The following UBXN8 variants were observed in gnomAD, a reference collection of about 807,000 sequenced individuals.
The protein encoded by UBXN8 is UBX domain protein 8, also known as UBX domain-containing protein 8.
In UBXN8, 27 loss-of-function variants were observed where a neutral mutation model predicts 32.1. The ratio of observed to expected loss-of-function variants is 0.84; its 90% CI spans 0.62 to 1.16. The LOEUF (loss-of-function observed/expected upper bound fraction) is 1.16. Ranked by LOEUF, UBXN8 falls within the 50% of genes most tolerant of loss-of-function variation. UBXN8 has a pLI of 0.00. For missense variants in UBXN8, 306 were observed against 311.4 expected (o/e 0.98, Z 0.13); for synonymous variants, 109 against 111.8 (o/e 0.98, Z 0.16).
intron 5 of UBXN8, among the ~76,000 whole-genome samples, chr8:30,757,694 A>G (rs1346882382): frequency 6.6e-6 from 1 of 151,768 alleles, no homozygotes; most frequent in Non-Finnish European, 1.5e-5. Flanking sequence ...CCCCATCTCT[A>G]CTAAAAATAC....
intron 7 of UBXN8, among the ~76,000 whole-genome samples, chr8:30,764,556 A>G (rs547020300): frequency 6.6e-6 from 1 of 152,356 alleles, no homozygotes; most frequent in South Asian, 2.1e-4. Flanking sequence ...TGGCAGGGAA[A>G]GAAACACATG....
chr8:30,760,443 A>ATAATTTT, intron 5 of UBXN8, among the ~76,000 whole-genome samples: 1 of 91,096 alleles, frequency 1.1e-5, no homozygotes, highest in South Asian at 4.1e-4. Context: ...ATATATATAT[A>ATAATTTT]TTTTTTTTTT....
At chr8:30,756,454 A>G (rs956093137) in intron 4 of UBXN8, among the ~76,000 whole-genome samples, 2 of 151,246 alleles carry the variant, frequency 1.3e-5, no homozygotes, top group Non-Finnish European at 3.0e-5. Flanking sequence ...CAATTTTTGC[A>G]TTTTTTTAGT....
intron 5 of UBXN8, among the ~76,000 whole-genome samples, chr8:30,760,443 A>ATATTTTTTTTT (rs1196366158): frequency 3.3e-5 from 3 of 91,118 alleles, no homozygotes; most frequent in African/African-American, 5.1e-5. Flanking sequence ...ATATATATAT[A>ATATTTTTTTTT]TTTTTTTTTT....
At chr8:30,750,297 C>T (rs1805485406) in intron 1 of UBXN8, among the ~76,000 whole-genome samples, 1 of 152,032 alleles carries the variant, frequency 6.6e-6, no homozygotes, top group African/African-American at 2.4e-5. Flanking sequence ...CATGGCGAGA[C>T]CCCATCTCTA....
intron 5 of UBXN8, among the ~76,000 whole-genome samples, chr8:30,757,154 A>AT (rs1563563758): frequency 6.7e-6 from 1 of 150,218 alleles, no homozygotes; most frequent in Non-Finnish European, 1.5e-5. Flanking sequence ...CCCCATCTCT[A>AT]TTTAAAAAAA....
At chr8:30,744,344 G>T in intron 1 of UBXN8, 67 bp downstream of exon 1, 1 of 1,491,134 alleles carries the variant, frequency 6.7e-7, no homozygotes, top group South Asian at 1.2e-5. Context: ...TGCATAGAAC[G>T]ACCGCCTCTT....
At chr8:30,730,001 A>G (rs1804914569), upstream of UBXN8, among the ~76,000 whole-genome samples, 1 of 152,178 alleles carries the variant, frequency 6.6e-6, no homozygotes. Flanking sequence ...TCGACCCAAC[A>G]TCAGACGATC....
chr8:30,732,892 C>T (rs1431819914), exon 1 of UBXN8: 1 of 152,230 alleles, frequency 6.6e-6, no homozygotes, highest in Non-Finnish European at 1.5e-5. Flanking sequence ...ATAAAGGCCC[C>T]CCATGCTGTG....
rs374213210 is a variant in UBXN8 at position 30,766,300 on chromosome 8, G to A, written c.719G>A (p.Arg240Gln). Residue 240 changes from arginine to glutamine, a missense_variant, in exon 8 of 8, where the codon CGG becomes CAG. Transcript: ENST00000265616. ...LYSLSTSFPR[R>Q]PLAVEGGQSL... The stretch of plus-strand genomic sequence containing the variant: ...AGCCTTTCTACTTCCTTTCCCAGAC[G>A]GCCTCTGGCAGTGGAGGGAGGCCAG... 4.3e-6 allele frequency: 7 copies of A among 1,613,722 alleles called. No individual in the cohort carries two copies. In the Admixed American group the frequency reaches 6.7e-5, roughly 15 times the overall value.
intron 6 of UBXN8, 86 bp from the exon 7 acceptor site, chr8:30,763,187 T>C: frequency 2.2e-6 from 3 of 1,365,268 alleles, no homozygotes; most frequent in Non-Finnish European, 2.1e-6. Flanking sequence ...ATCTAAGTCC[T>C]TTTTAGCTGC....
At chr8:30,761,806 G>A (rs1805839090) in intron 6 of UBXN8, among the ~76,000 whole-genome samples, 1 of 152,100 alleles carries the variant, frequency 6.6e-6, no homozygotes, top group South Asian at 2.1e-4. Flanking sequence ...CTACTTTGTA[G>A]ATGTTTTAAT....
chr8:30,753,152 T>G, intron 3 of UBXN8, 47 bp downstream of exon 3: 2 of 1,433,422 alleles, frequency 1.4e-6, no homozygotes, highest in Admixed American at 6.5e-5. Flanking sequence ...AATACAAAAA[T>G]CTCTGAGGCA....
chr8:30,733,269 G>C (rs1310497172), exon 1 of UBXN8: 1 of 152,240 alleles, frequency 6.6e-6, no homozygotes, highest in African/African-American at 2.4e-5. Context: ...TCAGAAAGCT[G>C]AACTCATTGC....
chr8:30,760,441 A>ATT (rs1263036658), intron 5 of UBXN8, among the ~76,000 whole-genome samples: 33 of 49,110 alleles, frequency 6.7e-4, no homozygotes, highest in East Asian at 4.4e-3. Flanking sequence ...ATATATATAT[A>ATT]TATTTTTTTT....
upstream of UBXN8, among the ~76,000 whole-genome samples, chr8:30,731,985 G>T (rs1804969040): frequency 6.6e-6 from 1 of 152,152 alleles, no homozygotes; most frequent in Non-Finnish European, 1.5e-5. Flanking sequence ...TATTGCTGGG[G>T]TTGCTGCCAG....
chr8:30,751,653 A>C (rs984214373), intron 2 of UBXN8, 135 bp downstream of exon 2: 55 of 681,722 alleles, frequency 8.1e-5, no homozygotes, highest in Non-Finnish European at 1.3e-5. Flanking sequence ...GTACAACTTT[A>C]GTCATGATTT....
At chr8:30,750,814 G>C (rs1805500916) in intron 1 of UBXN8, among the ~76,000 whole-genome samples, 1 of 13,260 alleles carries the variant, frequency 7.5e-5, no homozygotes, top group African/African-American at 1.5e-4. Flanking sequence ...CTTAAAAAAA[G>C]AAGGAAAAAA....
chr8:30,744,879 T>C (rs575970120), intron 1 of UBXN8, among the ~76,000 whole-genome samples: 1 of 152,026 alleles, frequency 6.6e-6, no homozygotes, highest in Non-Finnish European at 1.5e-5. Flanking sequence ...CAAGGAGAGT[T>C]GGGAGGAGGA....
Sources: gnomAD v4.1 joint callset for allele counts (sites outside exome capture counted in the v4.1 genomes callset) on GRCh38, gnomAD v4.1.1 for gene constraint, MANE v1.5 for transcripts, NCBI Gene and HGNC (gene_info 2026-07-23, HGNC 2026-07-21) for gene names.